Variants in NADK2 observed in about 807,000 individuals in gnomAD.
NADK2 encodes the protein NAD kinase 2, mitochondrial, also known as NAD kinase domain-containing protein 1, mitochondrial.
NADK2 carries 35 observed loss-of-function variants against 62.1 expected under a neutral mutation model. That is an observed-to-expected ratio of 0.56 (90% CI 0.43 to 0.75). The LOEUF is 0.75. Among genes scored for constraint, NADK2 ranks in the 30% least tolerant of loss-of-function variants. The pLI, the probability that NADK2 is intolerant of heterozygous loss-of-function variation, is 0.00. For synonymous variants in NADK2, 205 were observed against 207.9 expected (o/e 0.99, Z 0.12); for missense variants, 439 against 561.3 (o/e 0.78, Z 2.20).
intron 2 of NADK2, among the ~76,000 whole-genome samples, chr5:36,227,236 C>A (rs911270958): frequency 6.6e-6 from 1 of 152,110 alleles, no homozygotes; most frequent in Non-Finnish European, 1.5e-5. Context: ...ATTAACTCTA[C>A]AGAAGATGCA....
intron 1 of NADK2, among the ~76,000 whole-genome samples, chr5:36,240,138 CTA>C (rs1356708566): frequency 6.6e-6 from 1 of 152,206 alleles, no homozygotes; most frequent in Non-Finnish European, 1.5e-5. Context: ...TATCTCACCT[CTA>C]GTTTCACTCC....
At chr5:36,211,728 T>G in intron 7 of NADK2, 116 bp downstream of exon 7, 1 of 778,280 alleles carries the variant, frequency 1.3e-6, no homozygotes, top group Non-Finnish European at 2.2e-6. Context: ...AATAATGAAC[T>G]GCCATTACTT....
In NADK2 at chr5:36,211,831, G is replaced by T. The variant is rs777014368; in HGVS notation, c.860+13C>A. ...ATTAAATTCCATGCTCAAGATCACAGGTTTAAAAGTACCTGGATGACAGAC... is the reference window on the plus strand; with the variant it reads ...ATTAAATTCCATGCTCAAGATCACATGTTTAAAAGTACCTGGATGACAGAC... On this transcript the variant is annotated intron_variant, in intron 7 of 11. Coordinates refer to ENST00000381937, the MANE Select transcript of NADK2 (RefSeq NM_001085411.3). 11 of 1,604,378 alleles carry T rather than the reference G, an allele frequency of 6.9e-6. No homozygotes were observed. In the South Asian group the frequency reaches 1.2e-4, roughly 18 times the overall value.
rs75313909 is a variant in NADK2 at position 36,215,454 on chromosome 5, C to T, written c.781+2294G>A. 0.012 allele frequency among the ~76,000 whole-genome samples: 1,856 copies of T among 152,276 alleles called. 158 individuals carry two copies. In the East Asian group the frequency reaches 0.21, roughly 18 times the overall value. Reference sequence around the variant, plus strand: ...TTGTGTTGGGAATATTTCAAATCTTCTCTTCCAGCTATTTTGAAATGAGGT... The same window carrying T: ...TTGTGTTGGGAATATTTCAAATCTTTTCTTCCAGCTATTTTGAAATGAGGT... On this transcript the variant is annotated intron_variant, in intron 6 of 11. Transcript: ENST00000381937.
Position 36,225,604 on chromosome 5 carries a change from C to G in NADK2, c.498G>C (p.Leu166=). The change falls in exon 4 of 12, where the codon CTG becomes CTC. Residue 166 remains leucine, a synonymous_variant. Coordinates refer to ENST00000381937, the MANE Select transcript of NADK2 (RefSeq NM_001085411.3). ...IAAGGDGTML[L]AASKVLDRLK... ...GTCTGTCCAAGACTTTACTCGCTGCCAGCAGCATTGTGCCATCACCTAAGG... is the reference window on the plus strand; with the variant it reads ...GTCTGTCCAAGACTTTACTCGCTGCGAGCAGCATTGTGCCATCACCTAAGG... 6.2e-7 allele frequency: 1 copy of G among 1,613,948 alleles called. No individual in the cohort carries two copies. The highest frequency in any genetic ancestry group is 1.1e-5 in the South Asian group (1 of 91,050).
In NADK2 at chr5:36,236,107, A is replaced by G. The variant is rs1030006942; in HGVS notation, c.300+5392T>C. Among the ~76,000 whole-genome samples the G allele has an allele frequency of 4.6e-5, 7 of 152,270 alleles. No homozygotes were observed. In the South Asian group the frequency reaches 1.4e-3, roughly 32 times the overall value. ...ATATAATTAAAAATATAGTAAAATG[A>G]TAACAGTGAAAAATTTTGTTATTTG... On this transcript the variant is annotated intron_variant, in intron 1 of 11. Transcript: ENST00000381937.
chr5:36,198,602 A>G (rs1579594659), intron 10 of NADK2, among the ~76,000 whole-genome samples: 1 of 148,046 alleles, frequency 6.8e-6, no homozygotes, highest in Non-Finnish European at 1.5e-5. Flanking sequence ...ATATAGATAT[A>G]ATATAAATTA....
intron 7 of NADK2, chr5:36,208,592 A>C (rs1337354424): frequency 6.9e-7 from 1 of 1,440,482 alleles, no homozygotes; most frequent in Non-Finnish European, 9.3e-7. Flanking sequence ...TGTTTCAGGG[A>C]AATTATTTTT....
At chr5:36,209,648 G>C (rs963851726) in intron 7 of NADK2, among the ~76,000 whole-genome samples, 14 of 151,978 alleles carry the variant, frequency 9.2e-5, no homozygotes, top group African/African-American at 3.4e-4. Context: ...TATAATTCAT[G>C]TCCATATTGC....
chr5:36,210,430 C>T (rs1434939741), intron 7 of NADK2, among the ~76,000 whole-genome samples: 1 of 152,004 alleles, frequency 6.6e-6, no homozygotes, highest in African/African-American at 2.4e-5. Context: ...TTAATTTTTG[C>T]AATAATGGTT....
In NADK2 at chr5:36,241,834, G is replaced by T; in HGVS notation, c.-36C>A. Reference sequence around the variant, plus strand: ...GCCGCGGCCGCGGGCTTGGGCTCGGGCCCCTTGCCTCAGCTCCCTACCGCC... The same window carrying T: ...GCCGCGGCCGCGGGCTTGGGCTCGGTCCCCTTGCCTCAGCTCCCTACCGCC... On this transcript the variant is annotated 5_prime_UTR_variant, in exon 1 of 12. Coordinates refer to ENST00000381937, the MANE Select transcript of NADK2 (RefSeq NM_001085411.3). The surrounding 1 kb of genome is among the most constrained non-coding windows in gnomAD (Gnocchi z 4.9). The T allele has an allele frequency of 7.9e-7, 1 of 1,262,094 alleles. No homozygotes were observed. The highest frequency in any genetic ancestry group is 2.3e-5 in the South Asian group (1 of 43,826). 78.2% of individuals were successfully genotyped at this position (1,262,094 alleles called of 1,614,324 possible).
At chr5:36,235,198 T>C (rs1047664305) in intron 1 of NADK2, among the ~76,000 whole-genome samples, 1 of 152,166 alleles carries the variant, frequency 6.6e-6, no homozygotes, top group African/African-American at 2.4e-5. Context: ...ATAACTTCTT[T>C]AAAATTTTGG....
chr5:36,215,373 T>C (rs1271052812), intron 6 of NADK2, among the ~76,000 whole-genome samples: 3 of 152,208 alleles, frequency 2.0e-5, no homozygotes, highest in African/African-American at 7.2e-5. Flanking sequence ...ATGCATACAA[T>C]GTATAATGAT....
rs140616684 is a variant in NADK2 at position 36,217,717 on chromosome 5, C to T, written c.781+31G>A. Reference sequence around the variant, plus strand: ...AAAGGAGCTATGAGTTAAATATTTCCCCAAACACATCTGATGCCCAATCCA... The same window carrying T: ...AAAGGAGCTATGAGTTAAATATTTCTCCAAACACATCTGATGCCCAATCCA... On this transcript the variant is annotated intron_variant, in intron 6 of 11. Coordinates refer to ENST00000381937, the MANE Select transcript of NADK2 (RefSeq NM_001085411.3). 1.6e-4 allele frequency: 254 copies of T among 1,612,420 alleles called. 3 individuals carry two copies. The East Asian group carries it at 5.5e-3, about 35-fold the overall frequency.
intron 6 of NADK2, chr5:36,212,230 A>C: frequency 5.4e-6 from 1 of 183,496 alleles, no homozygotes; most frequent in Non-Finnish European, 1.1e-5. Flanking sequence ...GTTACACTTA[A>C]TTTTATCTTG....
chr5:36,225,414 C>T, intron 4 of NADK2, 128 bp downstream of exon 4: 2 of 699,896 alleles, frequency 2.9e-6, no homozygotes. Flanking sequence ...AAAATAGCTT[C>T]CAAATTTTAA....
At chr5:36,216,365 A>G (rs1747042420) in intron 6 of NADK2, among the ~76,000 whole-genome samples, 1 of 152,062 alleles carries the variant, frequency 6.6e-6, no homozygotes, top group Non-Finnish European at 1.5e-5. Flanking sequence ...ATTTTCTCCA[A>G]TTCTATAGGC....
chr5:36,199,054 G>C (rs1746340060), intron 10 of NADK2, among the ~76,000 whole-genome samples: 1 of 151,724 alleles, frequency 6.6e-6, no homozygotes, highest in Non-Finnish European at 1.5e-5. Context: ...ACTGTTGTGG[G>C]GTAGGGGGTG....
At chr5:36,221,194 C>T (rs930483585) in intron 4 of NADK2, 18 of 152,120 alleles carry the variant, frequency 1.2e-4, no homozygotes, top group African/African-American at 4.1e-4. Context: ...TTACCAGGCT[C>T]GGTAGAGTGG....
Sources: gnomAD v4.1 joint callset for allele counts (sites outside exome capture counted in the v4.1 genomes callset) on GRCh38, gnomAD v4.1.1 for gene constraint, Gnocchi (gnomAD v3.1) non-coding constraint, MANE v1.5 for transcripts, NCBI Gene and HGNC (gene_info 2026-07-23, HGNC 2026-07-21) for gene names.